Variants in ITSN1 observed in about 807,000 individuals in gnomAD.
ITSN1 encodes intersectin 1.
ITSN1 carries 58 observed loss-of-function variants against 239.8 expected under a neutral mutation model. The ratio of observed to expected loss-of-function variants is 0.24; its 90% CI spans 0.20 to 0.30. The LOEUF is 0.30. Ranked by LOEUF, ITSN1 falls within the 10% of genes least tolerant of loss-of-function variation. The probability of loss-of-function intolerance (pLI) is 1.00; values close to 1 mark genes in which losing one functional copy is unlikely to be tolerated. For missense variants in ITSN1, 1,558 were observed against 2,103.3 expected, an observed-to-expected ratio of 0.74 and a Z score of 5.07; for synonymous variants, 780 against 770.8, an observed-to-expected ratio of 1.01 and a Z score of -0.20.
At chr21:33,736,725 C>T (rs1569059280) in intron 5 of ITSN1, among the ~76,000 whole-genome samples, 2 of 152,206 alleles carry the variant, frequency 1.3e-5, no homozygotes, top group Admixed American at 6.5e-5. Flanking sequence ...GTGGCTCATG[C>T]CTGTAATCCT....
At chr21:33,768,841 C>T (rs1443152468) in intron 11 of ITSN1, among the ~76,000 whole-genome samples, 2 of 152,172 alleles carry the variant, frequency 1.3e-5, no homozygotes, top group Admixed American at 6.5e-5. Flanking sequence ...TGATGAAATA[C>T]TATTGGAAAT....
At chr21:33,841,131 A>G (rs1159714977) in intron 29 of ITSN1, among the ~76,000 whole-genome samples, 1 of 152,202 alleles carries the variant, frequency 6.6e-6, no homozygotes, top group Admixed American at 6.5e-5. Flanking sequence ...CAAAATATCT[A>G]ACCATTACAT....
chr21:33,710,639 C>CA, intron 1 of ITSN1, among the ~76,000 whole-genome samples: 1 of 151,492 alleles, frequency 6.6e-6, no homozygotes, highest in East Asian at 1.9e-4. Flanking sequence ...TTTTTTGTAA[C>CA]GTCTGTGAGG....
chr21:33,838,071 C>G (rs905049985), intron 29 of ITSN1: 1 of 985,646 alleles, frequency 1.0e-6, no homozygotes, highest in African/African-American at 1.7e-5. Flanking sequence ...GGAATTTCTA[C>G]AGATTAATAT....
intron 1 of ITSN1, among the ~76,000 whole-genome samples, chr21:33,684,717 C>T (rs1309630458): frequency 6.6e-6 from 1 of 151,980 alleles, no homozygotes; most frequent in Non-Finnish European, 1.5e-5. Context: ...TCATGTAATT[C>T]TTATGACATA....
At chr21:33,727,463 G>A (rs1456858737) in intron 4 of ITSN1, among the ~76,000 whole-genome samples, 1 of 152,072 alleles carries the variant, frequency 6.6e-6, no homozygotes, top group Admixed American at 6.5e-5. Context: ...ATGAAGGCAA[G>A]GATTAGATCA....
chr21:33,836,378 G>A (rs997774822), intron 28 of ITSN1, 63 bp from the exon 29 acceptor site: 64 of 1,237,868 alleles, frequency 5.2e-5, no homozygotes, highest in African/African-American at 6.1e-5. Context: ...GAATGGCTGC[G>A]CGGTACCCGT....
At chr21:33,642,877 C>T (rs977998493) in intron 1 of ITSN1, among the ~76,000 whole-genome samples, 164 bp downstream of exon 1, 4 of 151,560 alleles carry the variant, frequency 2.6e-5, no homozygotes, top group African/African-American at 9.7e-5. Context: ...CGAGAGACGG[C>T]AGCGGCTGCC....
intron 11 of ITSN1, among the ~76,000 whole-genome samples, chr21:33,771,133 A>G (rs2147777438): frequency 6.6e-6 from 1 of 152,342 alleles, no homozygotes; most frequent in South Asian, 2.1e-4. Flanking sequence ...AAGGTGAGCA[A>G]GAAAACCAAA....
intron 6 of ITSN1, among the ~76,000 whole-genome samples, chr21:33,750,918 A>T (rs531401536): frequency 3.3e-5 from 5 of 152,350 alleles, no homozygotes; most frequent in African/African-American, 1.2e-4. Flanking sequence ...TAACATCTTA[A>T]TGAATTCATA....
At chr21:33,832,229 G>A (rs749393861) in intron 27 of ITSN1, among the ~76,000 whole-genome samples, 36 of 152,194 alleles carry the variant, frequency 2.4e-4, no homozygotes, top group South Asian at 1.0e-3. Context: ...CTCCACTTTC[G>A]CAAGAGCTGG....
At chr21:33,798,946 C>T (rs761585602) in intron 18 of ITSN1, among the ~76,000 whole-genome samples, 2 of 152,016 alleles carry the variant, frequency 1.3e-5, no homozygotes, top group African/African-American at 2.4e-5. Flanking sequence ...GTTCTTCATG[C>T]GTCCTCCTAG....
At chr21:33,826,746 A>G (rs2073995122) in intron 25 of ITSN1, 72 bp from the exon 26 acceptor site, 1 of 1,413,216 alleles carries the variant, frequency 7.1e-7, no homozygotes, top group African/African-American at 1.4e-5. Flanking sequence ...GGTTTGTATC[A>G]TCATTAATCG....
At chr21:33,696,107 T>A (rs1814451810) in intron 1 of ITSN1, among the ~76,000 whole-genome samples, 1 of 152,222 alleles carries the variant, frequency 6.6e-6, no homozygotes, top group Non-Finnish European at 1.5e-5. Context: ...GCAGTTGGTT[T>A]TTGTTAATGA....
chr21:33,815,631 G>A (rs551494405), intron 22 of ITSN1, among the ~76,000 whole-genome samples: 1 of 152,336 alleles, frequency 6.6e-6, no homozygotes, highest in African/African-American at 2.4e-5. Flanking sequence ...GCAAGAACCA[G>A]CCATGTTGCC....
intron 1 of ITSN1, among the ~76,000 whole-genome samples, chr21:33,669,073 A>G (rs1568890086): frequency 6.6e-6 from 1 of 152,190 alleles, no homozygotes; most frequent in South Asian, 2.1e-4. Flanking sequence ...TGTTCCAGAA[A>G]CAGACAGAGA....
chr21:33,695,819 G>C (rs2091769712), intron 1 of ITSN1, among the ~76,000 whole-genome samples: 1 of 152,128 alleles, frequency 6.6e-6, no homozygotes, highest in African/African-American at 2.4e-5. Context: ...TAAAGAAAAG[G>C]AGTGAAATCC....
At chr21:33,741,489 G>A (rs1043309349) in intron 5 of ITSN1, among the ~76,000 whole-genome samples, 5 of 152,094 alleles carry the variant, frequency 3.3e-5, no homozygotes, top group African/African-American at 7.3e-5. Context: ...CACGTGAACT[G>A]TAAACCAGTC....
At chr21:33,676,098 G>A (rs965279862) in intron 1 of ITSN1, among the ~76,000 whole-genome samples, 1 of 151,210 alleles carries the variant, frequency 6.6e-6, no homozygotes, top group South Asian at 2.1e-4. Flanking sequence ...GCAGTGGCAC[G>A]ATCTCGGCTC....
Sources: gnomAD v4.1 joint callset for allele counts (sites outside exome capture counted in the v4.1 genomes callset) on GRCh38, gnomAD v4.1.1 for gene constraint, MANE v1.5 for transcripts, NCBI Gene and HGNC (gene_info 2026-07-23, HGNC 2026-07-21) for gene names.